DLGAP2: variants seen among roughly 807,000 people sequenced by gnomAD.
DLGAP2 encodes the protein disks large-associated protein 2.
In DLGAP2, 26 loss-of-function variants were observed where a neutral mutation model predicts 100.3. The observed-to-expected ratio is 0.26, with a 90% CI of 0.19 to 0.36. The LOEUF is 0.36. Ranked by LOEUF, DLGAP2 falls within the 10% of genes least tolerant of loss-of-function variation. The probability of loss-of-function intolerance (pLI) is 1.00; values close to 1 mark genes in which losing one functional copy is unlikely to be tolerated. For missense variants in DLGAP2, 1,858 were observed against 1,453.2 expected, an observed-to-expected ratio of 1.28 and a Z score of -4.53; for synonymous variants, 886 against 630.1, an observed-to-expected ratio of 1.41 and a Z score of -6.08.
At chr8:1,257,473 G>A (rs1463870480) in intron 2 of DLGAP2, among the ~76,000 whole-genome samples, 2 of 149,878 alleles carry the variant, frequency 1.3e-5, no homozygotes, top group Non-Finnish European at 3.0e-5. Context: ...TGCTGCTGCT[G>A]TCCCCTGCCT....
At chr8:1,056,061 G>A (rs1183844022) in intron 2 of DLGAP2, among the ~76,000 whole-genome samples, 1 of 152,212 alleles carries the variant, frequency 6.6e-6, no homozygotes, top group Admixed American at 6.5e-5. Flanking sequence ...CTCCCAGGTA[G>A]CAATATTTCA....
chr8:866,976 G>T (rs1331221170), intron 1 of DLGAP2, among the ~76,000 whole-genome samples: 1 of 152,120 alleles, frequency 6.6e-6, no homozygotes, highest in Non-Finnish European at 1.5e-5. Context: ...GCCTTGTGCT[G>T]GGGTTTGTTC....
chr8:812,952 G>C (rs35238265), intron 1 of DLGAP2, among the ~76,000 whole-genome samples: 17,349 of 152,216 alleles, frequency 0.11, 1,533 homozygotes, highest in East Asian at 0.52. Flanking sequence ...ACCTTTGGTA[G>C]AGAATCTCTG....
chr8:1,626,725 T>C lies in DLGAP2; in HGVS notation c.1443-15T>C, dbSNP rs755512713. ...TGCTCACAGAATGCCTTTTCTCCTT[T>C]CTTCTTTCCTGTAGCCAGACCTACC... On this transcript the variant is annotated splice_polypyrimidine_tract_variant and intron_variant, in intron 6 of 14. Transcript: ENST00000637795. 6.3e-7 allele frequency: 1 copy of C among 1,587,814 alleles called. No individual in the cohort carries two copies. The highest frequency in any genetic ancestry group is 8.6e-7 in the Non-Finnish European group (1 of 1,167,366).
At chr8:1,658,259 G>A (rs1798329862) in intron 8 of DLGAP2, among the ~76,000 whole-genome samples, 1 of 152,044 alleles carries the variant, frequency 6.6e-6, no homozygotes, top group Non-Finnish European at 1.5e-5. Flanking sequence ...AAGCGAGCAG[G>A]AGATGCCATA....
At chr8:1,149,203 T>A (rs1054716717) in intron 2 of DLGAP2, among the ~76,000 whole-genome samples, 13 of 152,312 alleles carry the variant, frequency 8.5e-5, no homozygotes, top group Admixed American at 5.2e-4. Flanking sequence ...TGAAGTGCAG[T>A]GGCGCAATGT....
At chr8:1,484,917 C>A (rs1220279461) in intron 3 of DLGAP2, among the ~76,000 whole-genome samples, 1 of 152,194 alleles carries the variant, frequency 6.6e-6, no homozygotes, top group African/African-American at 2.4e-5. Context: ...TCTGCCGTCT[C>A]CTTTGCTGTC....
At chr8:1,374,107 CTG>C (rs546307251) in intron 3 of DLGAP2, among the ~76,000 whole-genome samples, 7 of 146,988 alleles carry the variant, frequency 4.8e-5, no homozygotes, top group African/African-American at 1.6e-4. Context: ...TTGCAGAGGA[CTG>C]TGTGGTGGAG....
At chr8:1,300,298 G>A (rs1393214547) in intron 3 of DLGAP2, 3 of 152,324 alleles carry the variant, frequency 2.0e-5, no homozygotes, top group Admixed American at 6.5e-5. Context: ...GGCCCCTGGA[G>A]TGGGTACTTG....
chr8:778,448 T>C (rs1258163399), intron 1 of DLGAP2, among the ~76,000 whole-genome samples: 5 of 152,374 alleles, frequency 3.3e-5, no homozygotes, highest in Middle Eastern at 3.4e-3. Context: ...CCAGTTTTTC[T>C]CTTCTGTTTT....
chr8:1,450,410 A>T (rs796749649), intron 3 of DLGAP2, among the ~76,000 whole-genome samples: 2 of 47,196 alleles, frequency 4.2e-5, no homozygotes, highest in Non-Finnish European at 8.5e-5. Flanking sequence ...TCGGTGGCTG[A>T]GGCTGAGCTG....
intron 2 of DLGAP2, among the ~76,000 whole-genome samples, chr8:1,042,957 AGGTGGTGGATGTG>A (rs1241584901): frequency 1.9e-4 from 5 of 26,530 alleles, no homozygotes; most frequent in African/African-American, 3.1e-4. Flanking sequence ...TATGGCTGGT[AGGTGGTGGATGTG>A]GGTGGTGGAT....
At chr8:1,679,041 G>C (rs537865526) in intron 12 of DLGAP2, 2 of 165,184 alleles carry the variant, frequency 1.2e-5, no homozygotes, top group African/African-American at 2.4e-5. Flanking sequence ...AAGAGAAGTC[G>C]ATGGTAAGTA....
At chr8:1,546,830 C>T (rs562096684) in intron 4 of DLGAP2, among the ~76,000 whole-genome samples, 70 of 152,124 alleles carry the variant, frequency 4.6e-4, no homozygotes, top group African/African-American at 1.7e-3. Context: ...CTTATGGTGA[C>T]GGGAGAGCTG....
intron 6 of DLGAP2, among the ~76,000 whole-genome samples, chr8:1,581,288 A>C (rs972780807): frequency 6.6e-6 from 1 of 150,692 alleles, no homozygotes; most frequent in Non-Finnish European, 1.5e-5. Flanking sequence ...GGATACAGAC[A>C]AAACCCCACA....
intron 1 of DLGAP2, among the ~76,000 whole-genome samples, chr8:855,620 A>C (rs1797262920): frequency 6.6e-6 from 1 of 152,154 alleles, no homozygotes; most frequent in Admixed American, 6.5e-5. Context: ...GGTGCCTGAG[A>C]GTGAAGCCAG....
chr8:1,239,516 T>C (rs1299725293), intron 2 of DLGAP2, among the ~76,000 whole-genome samples: 2 of 102,910 alleles, frequency 1.9e-5, no homozygotes, highest in African/African-American at 4.9e-5. Flanking sequence ...TGTCTAGTTC[T>C]CTCACATGGT....
At chr8:1,330,812 C>A (rs1307822662) in intron 3 of DLGAP2, among the ~76,000 whole-genome samples, 1 of 135,152 alleles carries the variant, frequency 7.4e-6, no homozygotes, top group African/African-American at 3.0e-5. Flanking sequence ...GGACCGAGTT[C>A]TGGGTGGGAC....
intron 6 of DLGAP2, among the ~76,000 whole-genome samples, chr8:1,623,188 C>T (rs1563263120): frequency 6.6e-6 from 1 of 152,238 alleles, no homozygotes; most frequent in Admixed American, 6.5e-5. Context: ...TCCTATGACT[C>T]AGCATCTTGA....
Sources: allele counts gnomAD v4.1 joint callset (sites outside exome capture counted in the v4.1 genomes callset), GRCh38; gene constraint gnomAD v4.1.1; transcripts MANE v1.5; gene names NCBI Gene and HGNC (gene_info 2026-07-23, HGNC 2026-07-21).